The following FAM204A variants were observed in gnomAD, a reference collection of about 807,000 sequenced individuals.
FAM204A encodes family with sequence similarity 204 member A.
In FAM204A, 16 loss-of-function variants were observed where a neutral mutation model predicts 35.4. That is an observed-to-expected ratio of 0.45 (90% CI 0.31 to 0.69). The LOEUF is 0.69. Ranked by LOEUF, FAM204A falls within the 30% of genes least tolerant of loss-of-function variation. The pLI, the probability that FAM204A is intolerant of heterozygous loss-of-function variation, is 0.07. For synonymous variants in FAM204A, 76 were observed against 86.9 expected, an observed-to-expected ratio of 0.88 and a Z score of 0.70; for missense variants, 240 against 265.7, an observed-to-expected ratio of 0.90 and a Z score of 0.67.
chr10:118,327,887 C>T (rs1743552517), intron 6 of FAM204A, among the ~76,000 whole-genome samples: 1 of 152,140 alleles, frequency 6.6e-6, no homozygotes, highest in Admixed American at 6.6e-5. Context: ...TGTTTGAGCC[C>T]AGGAGTTTGA....
chr10:118,332,801 CA>C (rs923616064), intron 6 of FAM204A, among the ~76,000 whole-genome samples: 4 of 152,094 alleles, frequency 2.6e-5, no homozygotes, highest in Admixed American at 2.6e-4. Context: ...TTTTTCATGC[CA>C]AAAAGTATCC....
In FAM204A at chr10:118,302,093, T is replaced by C. The variant is rs1845814021; in HGVS notation, c.*8764A>G. 6.6e-6 allele frequency: 1 copy of C among 152,296 alleles called. No individual in the cohort carries two copies. The highest frequency in any genetic ancestry group is 2.1e-4 in the South Asian group (1 of 4,832). 9.4% of individuals were successfully genotyped at this position (152,296 alleles called of 1,614,324 possible). Reference sequence around the variant, plus strand: ...GCATCTCTATATTTCCTAGGTGATGTTGTGTGACACTGCAGAGTCTGCTTA... The same window carrying C: ...GCATCTCTATATTTCCTAGGTGATGCTGTGTGACACTGCAGAGTCTGCTTA... On this transcript the variant is annotated 3_prime_UTR_variant, in exon 9 of 9. Transcript: ENST00000369183.
At chr10:118,316,070 T>G (rs1232983327) in intron 7 of FAM204A, among the ~76,000 whole-genome samples, 1 of 152,134 alleles carries the variant, frequency 6.6e-6, no homozygotes, top group Non-Finnish European at 1.5e-5. Flanking sequence ...GTCTCTTGCA[T>G]GGCATCATAA....
In FAM204A at chr10:118,308,408, TA is replaced by T. The variant is rs1322255610; in HGVS notation, c.*2448del. On this transcript the variant is annotated 3_prime_UTR_variant, in exon 9 of 9. Coordinates refer to ENST00000369183, the MANE Select transcript of FAM204A (RefSeq NM_022063.3). ...GACTACATCCTTTGAGCAGCATGCG[TA>T]CTCAAGGAATAATGTTTCTAGGAGT... is the stretch of plus-strand genomic sequence containing the variant. 1.1e-4 allele frequency: 16 copies of T among 152,340 alleles called. No homozygotes were observed. The highest frequency in any genetic ancestry group is 3.8e-4 in the African/African-American group (16 of 41,580). The allele number at this position is 152,340 out of a possible 1,614,324, so 9.4% of individuals were successfully genotyped here. A position where few individuals can be genotyped will look rare whatever the true frequency, so the allele number is the denominator to read the frequency against.
rs555525701 is a variant in FAM204A, at chr10:118,305,770, T to C, written c.*5087A>G. ...TGCAAGAGTTAGTTTATCTGACATA[T>C]AGTAGGCATTCAGGAAATGTTCCTT... On this transcript the variant is annotated 3_prime_UTR_variant, in exon 9 of 9. Coordinates refer to ENST00000369183, the MANE Select transcript of FAM204A (RefSeq NM_022063.3). 48 of 152,370 alleles carry C rather than the reference T, an allele frequency of 3.2e-4. No individual in the cohort carries two copies. The highest frequency in any genetic ancestry group is 1.1e-3 in the African/African-American group (46 of 41,574). 9.4% of individuals were successfully genotyped at this position (152,370 alleles called of 1,614,324 possible). A position where few individuals can be genotyped will look rare whatever the true frequency, so the allele number is the denominator to read the frequency against.
intron 7 of FAM204A, among the ~76,000 whole-genome samples, chr10:118,321,724 C>CTAAA (rs1846119709): frequency 1.1e-5 from 1 of 87,260 alleles, no homozygotes; most frequent in Non-Finnish European, 2.1e-5. Context: ...TATGACAAAG[C>CTAAA]AAAAAAAAAA....
rs1182428657 is a variant in FAM204A at position 118,299,003 on chromosome 10, G to A, written c.*11854C>T. On this transcript the variant is annotated 3_prime_UTR_variant, in exon 9 of 9. Transcript: ENST00000369183. ...CATTGTTTTGCTGCTTCACTCTAGA[G>A]AAGCCAAAATGGCGGCTGTAATCCT... 6.6e-6 allele frequency: 1 copy of A among 152,220 alleles called. No individual in the cohort carries two copies. The highest frequency in any genetic ancestry group is 2.4e-5 in the African/African-American group (1 of 41,440). 9.4% of individuals were successfully genotyped at this position (152,220 alleles called of 1,614,324 possible).
At chr10:118,329,913 A>G (rs996332091) in intron 6 of FAM204A, among the ~76,000 whole-genome samples, 1 of 152,142 alleles carries the variant, frequency 6.6e-6, no homozygotes, top group Non-Finnish European at 1.5e-5. Context: ...TCACAACTGT[A>G]ATATTGAAGT....
At chr10:118,320,894 T>C (rs912038256) in intron 7 of FAM204A, among the ~76,000 whole-genome samples, 4 of 151,296 alleles carry the variant, frequency 2.6e-5, no homozygotes, top group Admixed American at 2.0e-4. Flanking sequence ...TGTGTGTGTG[T>C]GTGTGTGTGG....
intron 6 of FAM204A, among the ~76,000 whole-genome samples, chr10:118,332,023 A>T (rs1189525325): frequency 6.6e-6 from 1 of 150,982 alleles, no homozygotes; most frequent in East Asian, 1.9e-4. Flanking sequence ...AAAATACAAA[A>T]ATTAGCTGGG....
chr10:118,307,766 G>A lies in FAM204A; in HGVS notation c.*3091C>T, dbSNP rs1351880442. On this transcript the variant is annotated 3_prime_UTR_variant, in exon 9 of 9. Transcript: ENST00000369183. The stretch of plus-strand genomic sequence containing the variant: ...CTAAAAGATAATATTTTAGACAAAA[G>A]GTATAAAGAAAATCAGAAGATTTTA... 6.6e-6 allele frequency: 1 copy of A among 152,076 alleles called. No individual in the cohort carries two copies. Among genetic ancestry groups the A allele is most frequent in the East Asian group, 1.9e-4 (1 of 5,196 alleles). The allele number at this position is 152,076 out of a possible 1,614,324, so 9.4% of individuals were successfully genotyped here. A position where few individuals can be genotyped will look rare whatever the true frequency, so the allele number is the denominator to read the frequency against.
intron 7 of FAM204A, among the ~76,000 whole-genome samples, chr10:118,313,930 C>T (rs1845991449): frequency 6.6e-6 from 1 of 152,168 alleles, no homozygotes; most frequent in Non-Finnish European, 1.5e-5. Flanking sequence ...AAGAGCAGCT[C>T]CCTATGTCTG....
intron 7 of FAM204A, among the ~76,000 whole-genome samples, chr10:118,312,535 G>A (rs1247687559): frequency 6.6e-6 from 1 of 152,156 alleles, no homozygotes; most frequent in African/African-American, 2.4e-5. Context: ...TAGTAATCAA[G>A]CACTGTCTGT....
chr10:118,337,627 G>C (rs751884979), intron 2 of FAM204A, among the ~76,000 whole-genome samples: 7 of 152,144 alleles, frequency 4.6e-5, no homozygotes, highest in Non-Finnish European at 1.0e-4. Context: ...TATGAGGAAG[G>C]ACTCTGGCAT....
At chr10:118,336,544 C>CTTT in intron 2 of FAM204A, 121 bp from the exon 3 acceptor site, 1 of 677,860 alleles carries the variant, frequency 1.5e-6, no homozygotes, top group South Asian at 3.6e-5. Flanking sequence ...TCCATCTAAA[C>CTTT]TTTTTTTTTT....
At chr10:118,335,311 CAT>C in intron 5 of FAM204A, 83 bp downstream of exon 5, 1 of 1,548,874 alleles carries the variant, frequency 6.5e-7, no homozygotes, top group African/African-American at 1.4e-5. Context: ...ATTACTAGTT[CAT>C]ATGTTTGATT....
intron 6 of FAM204A, among the ~76,000 whole-genome samples, chr10:118,333,724 T>C (rs1846328140): frequency 6.6e-6 from 1 of 152,150 alleles, no homozygotes; most frequent in African/African-American, 2.4e-5. Context: ...CAGCTCAGGC[T>C]CCTTGTTTAG....
intron 2 of FAM204A, among the ~76,000 whole-genome samples, chr10:118,340,426 C>A (rs1448379843): frequency 6.6e-6 from 1 of 152,170 alleles, no homozygotes; most frequent in Non-Finnish European, 1.5e-5. Flanking sequence ...AAGGTTTGAT[C>A]AAATGATCTC....
Position 118,314,532 on chromosome 10 carries a change from G to C in FAM204A, c.544-3219C>G, listed in dbSNP as rs138138121. On this transcript the variant is annotated intron_variant, in intron 7 of 8. Transcript: ENST00000369183. ...TTCCCAGTCAAGATGACTAACCTGG[G>C]TTCCAGAATATAAAAGAATATCGTG... Among the ~76,000 whole-genome samples, 123 of 152,234 alleles carry C rather than the reference G, an allele frequency of 8.1e-4. 3 individuals carry two copies. The East Asian group carries it at 0.022, about 28-fold the overall frequency.
Sources: gnomAD v4.1 joint callset for allele counts (sites outside exome capture counted in the v4.1 genomes callset) on GRCh38, gnomAD v4.1.1 for gene constraint, MANE v1.5 for transcripts, NCBI Gene and HGNC (gene_info 2026-07-23, HGNC 2026-07-21) for gene names.